The following MACROD2 variants were observed in gnomAD, a reference collection of about 807,000 sequenced individuals.
MACROD2 encodes the protein mono-ADP ribosylhydrolase 2, also known as ADP-ribose glycohydrolase MACROD2.
MACROD2 carries 36 observed loss-of-function variants against 70.4 expected under a neutral mutation model. The ratio of observed to expected loss-of-function variants is 0.51; its 90% CI spans 0.39 to 0.68. The LOEUF is 0.68. Among genes scored for constraint, MACROD2 ranks in the 30% least tolerant of loss-of-function variants. The pLI is 0.00. For synonymous variants in MACROD2, 172 were observed against 178.8 expected (o/e 0.96, Z 0.30); for missense variants, 496 against 538.4 (o/e 0.92, Z 0.78).
chr20:14,058,555 C>T (rs1041607296), intron 2 of MACROD2, among the ~76,000 whole-genome samples: 1 of 150,388 alleles, frequency 6.6e-6, no homozygotes, highest in African/African-American at 2.4e-5. Flanking sequence ...GAGTTTTTTC[C>T]TATATTGAGA....
chr20:15,714,472 G>A (rs1207638025), intron 8 of MACROD2, among the ~76,000 whole-genome samples: 1 of 152,168 alleles, frequency 6.6e-6, no homozygotes, highest in Non-Finnish European at 1.5e-5. Context: ...AGATACTTAA[G>A]AAACCAAGCA....
At chr20:15,827,104 C>T (rs1332479864) in intron 8 of MACROD2, among the ~76,000 whole-genome samples, 1 of 152,106 alleles carries the variant, frequency 6.6e-6, no homozygotes, top group East Asian at 1.9e-4. Flanking sequence ...CAAAAACTGC[C>T]ATCTTCCTCA....
At chr20:15,938,420 T>C (rs1378759925) in intron 12 of MACROD2, among the ~76,000 whole-genome samples, 1 of 152,214 alleles carries the variant, frequency 6.6e-6, no homozygotes, top group African/African-American at 2.4e-5. Context: ...ATTCTCACAA[T>C]ATTTCAAACC....
chr20:14,009,227 T>TTA (rs1166094709), intron 2 of MACROD2, among the ~76,000 whole-genome samples: 3 of 152,180 alleles, frequency 2.0e-5, no homozygotes, highest in African/African-American at 7.2e-5. Context: ...GACAAAGGTC[T>TTA]TATATCCAGC....
At chr20:14,342,738 C>A (rs1335399547) in intron 3 of MACROD2, among the ~76,000 whole-genome samples, 2 of 152,126 alleles carry the variant, frequency 1.3e-5, no homozygotes, top group Admixed American at 6.6e-5. Flanking sequence ...TATTAGTCAA[C>A]ACTTAAAATG....
intron 4 of MACROD2, among the ~76,000 whole-genome samples, chr20:14,534,045 C>T (rs2085336282): frequency 1.3e-5 from 2 of 152,016 alleles, no homozygotes; most frequent in Non-Finnish European, 1.5e-5. Flanking sequence ...AGTCTTTCTA[C>T]TTATTAAAAA....
chr20:14,665,125 A>G (rs989541070), intron 4 of MACROD2, among the ~76,000 whole-genome samples: 2 of 152,152 alleles, frequency 1.3e-5, no homozygotes, highest in Admixed American at 1.3e-4. Context: ...ATGCCATTTT[A>G]TTAAAGGCTG....
chr20:14,933,914 T>C (rs2074317999), intron 5 of MACROD2: 1 of 152,212 alleles, frequency 6.6e-6, no homozygotes, highest in African/African-American at 2.4e-5. Context: ...ATGCTCTTTA[T>C]AGGTGATAAC....
chr20:14,329,629 T>G (rs2032299116), intron 3 of MACROD2, among the ~76,000 whole-genome samples: 2 of 152,092 alleles, frequency 1.3e-5, no homozygotes, highest in Admixed American at 6.6e-5. Context: ...TTAAATCATA[T>G]GCATAAAATG....
At chr20:15,678,104 A>C (rs756185775) in intron 8 of MACROD2, among the ~76,000 whole-genome samples, 1 of 152,028 alleles carries the variant, frequency 6.6e-6, no homozygotes, top group Non-Finnish European at 1.5e-5. Context: ...ACTCATAGCT[A>C]TATATTTCAC....
intron 5 of MACROD2, among the ~76,000 whole-genome samples, chr20:14,966,705 T>C (rs2423879): frequency 0.014 from 2,205 of 152,330 alleles, 38 homozygotes; most frequent in Admixed American, 0.038. Context: ...TCATACTATA[T>C]GTTCTCTTTT....
chr20:15,062,520 A>G (rs1266874713), intron 5 of MACROD2, among the ~76,000 whole-genome samples: 1 of 151,982 alleles, frequency 6.6e-6, no homozygotes, highest in East Asian at 1.9e-4. Flanking sequence ...AGTACTTATC[A>G]TGATACCTGT....
chr20:14,127,682 G>A, intron 3 of MACROD2: 1 of 387,752 alleles, frequency 2.6e-6, no homozygotes, highest in Non-Finnish European at 4.9e-6. Flanking sequence ...TCCACTGCAT[G>A]CTAATTATGT....
chr20:15,961,582 G>A lies in MACROD2; in HGVS notation c.908-5971G>A, dbSNP rs574190553. Among the ~76,000 whole-genome samples the A allele has an allele frequency of 6.6e-5, 10 of 152,294 alleles. No individual in the cohort carries two copies. The East Asian group carries it at 1.2e-3, about 18-fold the overall frequency. On this transcript the variant is annotated intron_variant, in intron 12 of 17. Coordinates refer to ENST00000684519, the MANE Select transcript of MACROD2 (RefSeq NM_001351661.2). Reference sequence around the variant, plus strand: ...CTCCGTAAAATAAAATAACTCAGAAGCAGTGACCCGATGCCAGGCTGTCGG... The same window carrying A: ...CTCCGTAAAATAAAATAACTCAGAAACAGTGACCCGATGCCAGGCTGTCGG...
intron 3 of MACROD2, among the ~76,000 whole-genome samples, chr20:14,127,190 T>C (rs376830939): frequency 2.0e-5 from 3 of 152,176 alleles, no homozygotes; most frequent in Non-Finnish European, 2.9e-5. Flanking sequence ...GCTGCTGATA[T>C]AGAGAACGTT....
At chr20:14,103,092 T>C (rs555702966) in intron 3 of MACROD2, among the ~76,000 whole-genome samples, 1 of 152,278 alleles carries the variant, frequency 6.6e-6, no homozygotes, top group South Asian at 2.1e-4. Flanking sequence ...TTTTCTGATC[T>C]ATATTTTTTT....
intron 8 of MACROD2, among the ~76,000 whole-genome samples, chr20:15,719,324 C>A (rs2050751669): frequency 6.6e-6 from 1 of 152,188 alleles, no homozygotes; most frequent in African/African-American, 2.4e-5. Flanking sequence ...TAAGAAGGTA[C>A]TGCAGCAAAC....
chr20:15,454,379 C>T (rs1383524124), intron 7 of MACROD2, among the ~76,000 whole-genome samples: 1 of 149,956 alleles, frequency 6.7e-6, no homozygotes, highest in Non-Finnish European at 1.5e-5. Context: ...CTAACAAATG[C>T]TATATCCCTC....
At chr20:14,355,788 C>T (rs1244289399) in intron 3 of MACROD2, among the ~76,000 whole-genome samples, 2 of 152,126 alleles carry the variant, frequency 1.3e-5, no homozygotes, top group African/African-American at 4.8e-5. Flanking sequence ...ATTGTTTTCA[C>T]TAATACAAGT....
Sources: gnomAD v4.1 joint callset for allele counts (sites outside exome capture counted in the v4.1 genomes callset) on GRCh38, gnomAD v4.1.1 for gene constraint, MANE v1.5 for transcripts, NCBI Gene and HGNC (gene_info 2026-07-23, HGNC 2026-07-21) for gene names.